TNRC6B: variants seen among roughly 807,000 people sequenced by gnomAD.
TNRC6B encodes trinucleotide repeat containing adaptor 6B.
A neutral mutation model predicts 203.6 loss-of-function variants in TNRC6B; 52 were observed. That is an observed-to-expected ratio of 0.26 (90% CI 0.20 to 0.32). The LOEUF (loss-of-function observed/expected upper bound fraction) is 0.32, where lower values mean the gene tolerates loss of function less well. TNRC6B is among the 10% of genes least tolerant of loss of function. The probability of loss-of-function intolerance (pLI) is 1.00; values close to 1 mark genes in which losing one functional copy is unlikely to be tolerated. For missense variants in TNRC6B, 1,923 were observed against 2,286.2 expected, an observed-to-expected ratio of 0.84 and a Z score of 3.24; for synonymous variants, 838 against 845.7, an observed-to-expected ratio of 0.99 and a Z score of 0.16.
chr22:40,095,854 A>T (rs1463401433), intron 1 of TNRC6B, among the ~76,000 whole-genome samples: 2 of 151,894 alleles, frequency 1.3e-5, no homozygotes, highest in Non-Finnish European at 1.5e-5. Flanking sequence ...GATAGGGGAG[A>T]TGGATATCAA....
chr22:40,311,075 G>A (rs1398637063), intron 17 of TNRC6B, 82 bp downstream of exon 17: 1 of 1,399,970 alleles, frequency 7.1e-7, no homozygotes, highest in Non-Finnish European at 9.8e-7. Context: ...TTGCTTTTGT[G>A]ATTCATGTTA....
At chr22:40,123,000 C>A (rs538073032) in intron 2 of TNRC6B, among the ~76,000 whole-genome samples, 1 of 152,170 alleles carries the variant, frequency 6.6e-6, no homozygotes, top group Non-Finnish European at 1.5e-5. Flanking sequence ...CTGCCCCTTC[C>A]GCTTCAGGTC....
intron 19 of TNRC6B, among the ~76,000 whole-genome samples, 179 bp from the exon 20 acceptor site, chr22:40,315,102 TTA>T (rs780121650): frequency 6.6e-6 from 1 of 152,232 alleles, no homozygotes; most frequent in Non-Finnish European, 1.5e-5. Context: ...ACTGAAAATT[TTA>T]TGTTCGTTAT....
At chr22:40,242,372 C>T (rs1010406154) in intron 1 of TNRC6B, among the ~76,000 whole-genome samples, 1 of 152,140 alleles carries the variant, frequency 6.6e-6, no homozygotes, top group African/African-American at 2.4e-5. Flanking sequence ...CATTTTCTTC[C>T]ATTTGTGTAA....
chr22:40,261,757 A>C (rs1426191984), intron 3 of TNRC6B, 75 bp from the exon 4 acceptor site: 1 of 1,216,848 alleles, frequency 8.2e-7, no homozygotes, highest in Non-Finnish European at 1.1e-6. Flanking sequence ...TAAAATAATA[A>C]AATTATTTTT....
rs961259203 is a variant in TNRC6B at position 40,325,227 on chromosome 22, G to A, written c.*1986G>A. 11 of 152,556 alleles carry A rather than the reference G, an allele frequency of 7.2e-5. No homozygotes were observed. Among genetic ancestry groups the A allele is most frequent in the Admixed American group, 7.2e-4 (11 of 15,270 alleles). The allele number at this position is 152,556 out of a possible 1,614,324, so 9.5% of individuals were successfully genotyped here. A position where few individuals can be genotyped will look rare whatever the true frequency, so the allele number is the denominator to read the frequency against. On this transcript the variant is annotated 3_prime_UTR_variant, in exon 23 of 23. Transcript: ENST00000454349. ...ACAAGGGAGTTTTTCTTTCTTTAGC[G>A]TCTTCAGTGAAGGATACAATACAAC...
chr22:40,252,456 A>C (rs1277433219), intron 3 of TNRC6B, among the ~76,000 whole-genome samples: 1 of 152,246 alleles, frequency 6.6e-6, no homozygotes. Context: ...TTGGACTACC[A>C]GACCAAAGCC....
chr22:40,261,910 A>G lies in TNRC6B; in HGVS notation c.194A>G (p.Asn65Ser), dbSNP rs369778586. 5.8e-5 allele frequency: 94 copies of G among 1,609,220 alleles called. No homozygotes were observed. Among genetic ancestry groups the G allele is most frequent in the Non-Finnish European group, 7.5e-5 (88 of 1,176,376 alleles). The change falls in exon 4 of 23, where the codon AAT (asparagine) becomes AGT (serine). Residue 65 changes from asparagine to serine, a missense_variant. Physicochemically the swap from Asn to Ser is conservative, Grantham distance 46 (BLOSUM62 1). Coordinates refer to ENST00000454349, the MANE Select transcript of TNRC6B (RefSeq NM_001162501.2). Reference sequence around the variant, plus strand: ...GGCAGCTCTCCATCGCCACCAGTCAATGGTGGCAACAATGCCAAAAGGGTG... The same window carrying G: ...GGCAGCTCTCCATCGCCACCAGTCAGTGGTGGCAACAATGCCAAAAGGGTG... The part of the protein sequence containing the change: ...PIGSSPSPPV[N>S]GGNNAKRVAV...
chr22:40,250,109 T>G (rs758052722), intron 2 of TNRC6B, among the ~76,000 whole-genome samples: 7 of 152,222 alleles, frequency 4.6e-5, no homozygotes, highest in Non-Finnish European at 7.3e-5. Flanking sequence ...CTTTGCTATA[T>G]GAATATTTTT....
Position 40,323,019 on chromosome 22 carries a change from A to C in TNRC6B, c.5280A>C (p.Gly1760=). 6.2e-7 allele frequency: 1 copy of C among 1,604,398 alleles called. No homozygotes were observed. The highest frequency in any genetic ancestry group is 8.5e-7 in the Non-Finnish European group (1 of 1,175,134). The change falls in exon 23 of 23, where the codon GGA becomes GGC. Residue 1760 remains glycine, a synonymous_variant. Coordinates refer to ENST00000454349, the MANE Select transcript of TNRC6B (RefSeq NM_001162501.2). ...GCCAGAACCAGTCAGATCCCGTGGG[A>C]CCTGCTCTGAATCTTTTTGGTGGGT... ...ETGQNQSDPV[G]PALNLFGGST...
At chr22:40,070,696 T>TC (rs1477042853) in intron 1 of TNRC6B, among the ~76,000 whole-genome samples, 1 of 152,142 alleles carries the variant, frequency 6.6e-6, no homozygotes, top group East Asian at 1.9e-4. Flanking sequence ...GTTGACAGGA[T>TC]CATTTTAATA....
intron 3 of TNRC6B, among the ~76,000 whole-genome samples, chr22:40,153,963 A>AT (rs1409673022): frequency 6.6e-6 from 1 of 151,506 alleles, no homozygotes; most frequent in Non-Finnish European, 1.5e-5. Flanking sequence ...ATATTAAGAA[A>AT]TTATTGGCTT....
At chr22:40,220,931 C>A (rs1300838462) in intron 1 of TNRC6B, among the ~76,000 whole-genome samples, 1 of 152,212 alleles carries the variant, frequency 6.6e-6, no homozygotes, top group African/African-American at 2.4e-5. Context: ...CTGAAGCCGG[C>A]ATGTGGGGGA....
chr22:40,132,943 C>CAAAAATAA (rs1292227314), intron 3 of TNRC6B, among the ~76,000 whole-genome samples: 1 of 23,878 alleles, frequency 4.2e-5, no homozygotes, highest in Non-Finnish European at 6.3e-5. Context: ...GACTCTGTCT[C>CAAAAATAA]AAAAAAAAAA....
At chr22:40,175,366 A>G (rs2069045731), upstream of TNRC6B, among the ~76,000 whole-genome samples, 1 of 152,058 alleles carries the variant, frequency 6.6e-6, no homozygotes, top group South Asian at 2.1e-4. Context: ...CAAAATATAT[A>G]TATATATGTT....
At chr22:40,075,156 A>ATATATATAT in intron 1 of TNRC6B, among the ~76,000 whole-genome samples, 1 of 35,560 alleles carries the variant, frequency 2.8e-5, no homozygotes, top group African/African-American at 1.0e-4. Flanking sequence ...ATATATATAT[A>ATATATATAT]TTTTTTTTTT....
rs1007875181 is a variant in TNRC6B at position 40,332,174 on chromosome 22, C to G, written c.*8933C>G. 1.3e-5 allele frequency: 2 copies of G among 152,768 alleles called. No homozygotes were observed. Among genetic ancestry groups the G allele is most frequent in the Admixed American group, 6.5e-5 (1 of 15,284 alleles). The allele number at this position is 152,768 out of a possible 1,614,324, so 9.5% of individuals were successfully genotyped here. On this transcript the variant is annotated 3_prime_UTR_variant, in exon 23 of 23. Coordinates refer to ENST00000454349, the MANE Select transcript of TNRC6B (RefSeq NM_001162501.2). ...TTTTGAAAAACTCCGCCTCCTCTCT[C>G]CTTTTTAATATTTCTTTCTTCCTTT...
At chr22:40,223,309 T>G (rs1336514360) in intron 1 of TNRC6B, among the ~76,000 whole-genome samples, 1 of 152,054 alleles carries the variant, frequency 6.6e-6, no homozygotes, top group Non-Finnish European at 1.5e-5. Context: ...CCTGGCTAAT[T>G]TTTGTATTTT....
intron 12 of TNRC6B, among the ~76,000 whole-genome samples, chr22:40,288,226 G>A (rs2070813921): frequency 6.6e-6 from 1 of 152,212 alleles, no homozygotes; most frequent in Non-Finnish European, 1.5e-5. Context: ...TTTCAACGTG[G>A]TTTACAACCA....
Sources: gnomAD v4.1 joint callset for allele counts (sites outside exome capture counted in the v4.1 genomes callset) on GRCh38, gnomAD v4.1.1 for gene constraint, MANE v1.5 for transcripts, NCBI Gene and HGNC (gene_info 2026-07-23, HGNC 2026-07-21) for gene names.